The following SGCZ variants were observed in gnomAD, a reference collection of about 807,000 sequenced individuals.
SGCZ encodes the protein zeta-sarcoglycan.
Under a neutral mutation model 41.3 loss-of-function variants are expected in SGCZ, and 40 were observed. The ratio of observed to expected loss-of-function variants is 0.97; its 90% CI spans 0.75 to 1.26. The LOEUF is 1.26. Ranked by LOEUF, SGCZ falls within the 50% of genes most tolerant of loss-of-function variation. SGCZ has a pLI of 0.00. For synonymous variants in SGCZ, 206 were observed against 137.5 expected, an observed-to-expected ratio of 1.50 and a Z score of -3.49; for missense variants, 552 against 369.8, an observed-to-expected ratio of 1.49 and a Z score of -4.04.
chr8:15,169,854 A>C (rs528738451), intron 1 of SGCZ, among the ~76,000 whole-genome samples: 102 of 152,318 alleles, frequency 6.7e-4, no homozygotes, highest in Middle Eastern at 3.4e-3. Context: ...GGGGGGATGC[A>C]AACTCTCAGT....
At chr8:15,113,517 G>T (rs1343793176) in intron 1 of SGCZ, among the ~76,000 whole-genome samples, 1 of 152,040 alleles carries the variant, frequency 6.6e-6, no homozygotes, top group South Asian at 2.1e-4. Flanking sequence ...GTAACCAAAT[G>T]CAATACTCTC....
At chr8:15,047,176 C>A (rs1043642902) in intron 1 of SGCZ, among the ~76,000 whole-genome samples, 1 of 151,844 alleles carries the variant, frequency 6.6e-6, no homozygotes, top group Non-Finnish European at 1.5e-5. Context: ...TAGTAATGGA[C>A]TAAAAATATT....
At chr8:14,794,155 C>T (rs1333496288) in intron 1 of SGCZ, among the ~76,000 whole-genome samples, 5 of 152,144 alleles carry the variant, frequency 3.3e-5, no homozygotes, top group East Asian at 1.9e-4. Flanking sequence ...ATACCAGCTA[C>T]AGTCTTCTAC....
At chr8:15,031,684 C>T (rs1483566370) in intron 1 of SGCZ, among the ~76,000 whole-genome samples, 1 of 152,092 alleles carries the variant, frequency 6.6e-6, no homozygotes, top group Non-Finnish European at 1.5e-5. Flanking sequence ...GCCTTGCTGT[C>T]AACTATCCAT....
intron 1 of SGCZ, among the ~76,000 whole-genome samples, chr8:14,679,676 G>A (rs1322017562): frequency 6.6e-6 from 1 of 151,686 alleles, no homozygotes; most frequent in African/African-American, 2.4e-5. Flanking sequence ...ATTTATTATT[G>A]AAGAAAAATA....
At chr8:14,890,913 T>A (rs1222861324) in intron 1 of SGCZ, among the ~76,000 whole-genome samples, 1 of 152,220 alleles carries the variant, frequency 6.6e-6, no homozygotes, top group East Asian at 1.9e-4. Flanking sequence ...GCCTGTGCTC[T>A]AGAAATGGAA....
intron 1 of SGCZ, among the ~76,000 whole-genome samples, chr8:15,228,905 A>G (rs902916665): frequency 7.2e-5 from 11 of 152,162 alleles, no homozygotes; most frequent in Admixed American, 1.3e-4. Flanking sequence ...AATTTTTGAA[A>G]AATGCAGGCT....
chr8:14,844,275 T>C (rs1803025536), intron 1 of SGCZ, among the ~76,000 whole-genome samples: 2 of 152,136 alleles, frequency 1.3e-5, no homozygotes, highest in Admixed American at 1.3e-4. Flanking sequence ...CTGTTATATA[T>C]CTTCTCACAT....
intron 5 of SGCZ, among the ~76,000 whole-genome samples, chr8:14,133,028 C>A (rs551096640): frequency 2.6e-4 from 39 of 152,104 alleles, no homozygotes; most frequent in Admixed American, 5.2e-4. Flanking sequence ...AGCACACAAA[C>A]AAAACCAAAA....
At chr8:14,257,542 T>A (rs575860137) in intron 3 of SGCZ, among the ~76,000 whole-genome samples, 1 of 152,162 alleles carries the variant, frequency 6.6e-6, no homozygotes, top group African/African-American at 2.4e-5. Flanking sequence ...CGCAGGTTTG[T>A]TACATATGTA....
intron 1 of SGCZ, among the ~76,000 whole-genome samples, chr8:14,901,142 C>G (rs1046919491): frequency 1.3e-5 from 2 of 152,224 alleles, no homozygotes; most frequent in African/African-American, 4.8e-5. Flanking sequence ...TCTAATTATA[C>G]ATATGGACTG....
At chr8:14,591,391 T>C (rs912470455) in intron 1 of SGCZ, among the ~76,000 whole-genome samples, 2 of 152,036 alleles carry the variant, frequency 1.3e-5, no homozygotes, top group Admixed American at 6.6e-5. Context: ...CACATCATAA[T>C]GCTCATTTCT....
At chr8:14,476,129 A>G (rs1801352816) in intron 2 of SGCZ, among the ~76,000 whole-genome samples, 1 of 152,164 alleles carries the variant, frequency 6.6e-6, no homozygotes, top group South Asian at 2.1e-4. Flanking sequence ...TGCCTGGGTT[A>G]AGGAATGCCC....
chr8:15,068,808 TAC>T (rs1188174605), intron 1 of SGCZ, among the ~76,000 whole-genome samples: 34 of 152,190 alleles, frequency 2.2e-4, no homozygotes, highest in Admixed American at 2.2e-3. Flanking sequence ...CTCAGCAATA[TAC>T]ACAGTCAACC....
At chr8:14,438,793 A>G (rs953292989) in intron 2 of SGCZ, among the ~76,000 whole-genome samples, 2 of 152,064 alleles carry the variant, frequency 1.3e-5, no homozygotes, top group Non-Finnish European at 2.9e-5. Flanking sequence ...ATAGAAAACC[A>G]TGATAATTTT....
At chr8:14,524,292 T>G (rs1406688152) in intron 2 of SGCZ, among the ~76,000 whole-genome samples, 1 of 150,228 alleles carries the variant, frequency 6.7e-6, no homozygotes, top group Non-Finnish European at 1.5e-5. Context: ...CTGGCAGGAG[T>G]GGAAGTCCAG....
At chr8:14,491,767 A>G (rs1801849004) in intron 2 of SGCZ, among the ~76,000 whole-genome samples, 1 of 152,178 alleles carries the variant, frequency 6.6e-6, no homozygotes, top group Non-Finnish European at 1.5e-5. Flanking sequence ...TGTCTTGGGG[A>G]ACCACTTTGG....
At chr8:14,487,358 A>G (rs1418685089) in intron 2 of SGCZ, among the ~76,000 whole-genome samples, 5 of 152,226 alleles carry the variant, frequency 3.3e-5, no homozygotes, top group Non-Finnish European at 7.3e-5. Flanking sequence ...TTTGTAAGCT[A>G]TAAGGAATAT....
chr8:14,102,577 T>TA, intron 6 of SGCZ, 78 bp from the exon 7 acceptor site: 1 of 1,218,138 alleles, frequency 8.2e-7, no homozygotes, highest in Non-Finnish European at 1.0e-6. Context: ...AAATTTTTGA[T>TA]AAACTAGAAG....
Sources: allele counts gnomAD v4.1 joint callset (sites outside exome capture counted in the v4.1 genomes callset), GRCh38; gene constraint gnomAD v4.1.1; transcripts MANE v1.5; gene names NCBI Gene and HGNC (gene_info 2026-07-23, HGNC 2026-07-21).